Variants in PDZRN3 observed in about 807,000 individuals in gnomAD.
PDZRN3 encodes the protein E3 ubiquitin-protein ligase PDZRN3.
In PDZRN3, 38 loss-of-function variants were observed where a neutral mutation model predicts 85.7. That is an observed-to-expected ratio of 0.44 (90% CI 0.34 to 0.58). PDZRN3 has a LOEUF of 0.58. PDZRN3 is among the 20% of genes least tolerant of loss of function. The pLI is 0.01. For missense variants in PDZRN3, 1,629 were observed against 1,506.4 expected, an observed-to-expected ratio of 1.08 and a Z score of -1.35; for synonymous variants, 759 against 638.0, an observed-to-expected ratio of 1.19 and a Z score of -2.86.
intron 3 of PDZRN3, among the ~76,000 whole-genome samples, chr3:73,412,300 C>G (rs1211784284): frequency 1.3e-5 from 2 of 152,090 alleles, no homozygotes; most frequent in Non-Finnish European, 1.5e-5. Flanking sequence ...TCATAAATAC[C>G]TTGAATAAAC....
intron 3 of PDZRN3, among the ~76,000 whole-genome samples, chr3:73,414,478 G>A (rs891495367): frequency 3.9e-5 from 6 of 152,086 alleles, no homozygotes; most frequent in African/African-American, 1.4e-4. Context: ...AAATTATGAT[G>A]TGTATCACTT....
At chr3:73,586,851 G>A (rs1335969507) in intron 3 of PDZRN3, among the ~76,000 whole-genome samples, 2 of 152,232 alleles carry the variant, frequency 1.3e-5, no homozygotes, top group Non-Finnish European at 2.9e-5. Context: ...TTTGTGGTAA[G>A]TCTATGATGA....
intron 3 of PDZRN3, among the ~76,000 whole-genome samples, chr3:73,421,883 G>A (rs1046388516): frequency 6.6e-6 from 1 of 152,096 alleles, no homozygotes; most frequent in African/African-American, 2.4e-5. Context: ...CCCTGACCTC[G>A]TGATCTCCCC....
intron 3 of PDZRN3, among the ~76,000 whole-genome samples, chr3:73,438,154 A>G (rs1309346472): frequency 6.6e-6 from 1 of 152,156 alleles, no homozygotes; most frequent in African/African-American, 2.4e-5. Flanking sequence ...CTTCATGGAA[A>G]TTAAAAATAA....
intron 3 of PDZRN3, among the ~76,000 whole-genome samples, chr3:73,531,029 T>C (rs1704641233): frequency 6.6e-6 from 1 of 152,088 alleles, no homozygotes; most frequent in African/African-American, 2.4e-5. Flanking sequence ...GGTGGGCGGA[T>C]CCTGAGGTCA....
At chr3:73,441,165 A>G (rs1488472592) in intron 3 of PDZRN3, among the ~76,000 whole-genome samples, 1 of 152,200 alleles carries the variant, frequency 6.6e-6, no homozygotes, top group Non-Finnish European at 1.5e-5. Context: ...CTGTAATCCC[A>G]GCACTTTGGG....
intron 3 of PDZRN3, among the ~76,000 whole-genome samples, chr3:73,572,009 A>C (rs1432205959): frequency 6.6e-6 from 1 of 152,174 alleles, no homozygotes. Flanking sequence ...TTAGAAATCT[A>C]ATCAGGTTTG....
In PDZRN3 at chr3:73,538,058, G is replaced by A. The variant is rs190413341; in HGVS notation, c.918+64296C>T. 1.8e-3 allele frequency among the ~76,000 whole-genome samples: 270 copies of A among 152,262 alleles called. 2 individuals are homozygous for A. Among genetic ancestry groups the A allele is most frequent in the Non-Finnish European group, 2.3e-3 (159 of 68,016 alleles). On this transcript the variant is annotated intron_variant, in intron 3 of 9. Coordinates refer to ENST00000263666, the MANE Select transcript of PDZRN3 (RefSeq NM_015009.3). ...CTCTTTATGCTTTGTCACATCTTGA[G>A]TGAGCATGATCATAGACTCCATGGA...
chr3:73,389,711 GTTCT>G (rs1701479688), intron 7 of PDZRN3, 101 bp downstream of exon 7: 1 of 832,580 alleles, frequency 1.2e-6, no homozygotes, highest in Admixed American at 1.9e-5. Flanking sequence ...TGTGATCCCT[GTTCT>G]TTAACCGCTT....
chr3:73,582,556 C>T (rs1465630013), intron 3 of PDZRN3, among the ~76,000 whole-genome samples: 2 of 151,914 alleles, frequency 1.3e-5, no homozygotes, highest in African/African-American at 2.4e-5. Flanking sequence ...ATTGTTTATA[C>T]ACACACACAG....
chr3:73,422,889 A>G (rs1033521838), intron 3 of PDZRN3, among the ~76,000 whole-genome samples: 1 of 152,226 alleles, frequency 6.6e-6, no homozygotes, highest in Non-Finnish European at 1.5e-5. Context: ...TTGGATTTAG[A>G]AAGTCGCCAG....
At chr3:73,451,747 G>A (rs925788496) in intron 3 of PDZRN3, among the ~76,000 whole-genome samples, 1 of 152,122 alleles carries the variant, frequency 6.6e-6, no homozygotes, top group Admixed American at 6.6e-5. Flanking sequence ...CTACCAGCTT[G>A]CTGATGCCAA....
chr3:73,417,643 A>G (rs1702119230), intron 3 of PDZRN3, among the ~76,000 whole-genome samples: 2 of 152,330 alleles, frequency 1.3e-5, no homozygotes, highest in African/African-American at 4.8e-5. Flanking sequence ...TAAGAGAAAA[A>G]GAAACCCTCC....
chr3:73,547,433 T>C (rs143131224), intron 3 of PDZRN3, among the ~76,000 whole-genome samples: 1 of 152,334 alleles, frequency 6.6e-6, no homozygotes, highest in East Asian at 1.9e-4. Context: ...AAGTCCCTGA[T>C]GCATAGGCAG....
In PDZRN3 at chr3:73,569,111, T is replaced by C. The variant is rs751913431; in HGVS notation, c.918+33243A>G. 48 of 1,205,478 alleles carry C rather than the reference T, an allele frequency of 4.0e-5. 1 individual carries two copies. In the South Asian group the frequency reaches 5.7e-4, roughly 14 times the overall value. The allele number at this position is 1,205,478 out of a possible 1,614,324, so 74.7% of individuals were successfully genotyped here. On this transcript the variant is annotated intron_variant, in intron 3 of 9. Transcript: ENST00000263666. ...AGCTGAACTTTGAACCCAGCTCACC[T>C]ATTCTAAATCACACACCCCTTTTCA...
Position 73,388,060 on chromosome 3 carries a change from TC to T in PDZRN3, c.1425del (p.Ile476Ter). The T allele has an allele frequency of 1.2e-6, 1 of 829,026 alleles. No individual in the cohort carries two copies. Among genetic ancestry groups the T allele is most frequent in the Non-Finnish European group, 1.8e-6 (1 of 559,464 alleles). The allele number at this position is 829,026 out of a possible 1,614,324, so 51.4% of individuals were successfully genotyped here. ...GCCTCTTCACGGTTCTGCACCTCTA[TC>T]CCATTAATCTTTTAAAAAAAAAGGG... ...REGDRIIQINGIEVQNREEAV... is the reference protein window; with the variant it reads ...REGDRIIQINXIEVQNREEAV... On this transcript the variant is annotated frameshift_variant, in exon 8 of 10. Coordinates refer to ENST00000263666, the MANE Select transcript of PDZRN3 (RefSeq NM_015009.3). LOFTEE classifies it high-confidence loss of function.
chr3:73,495,967 T>A (rs766122386), intron 3 of PDZRN3, among the ~76,000 whole-genome samples: 6 of 149,774 alleles, frequency 4.0e-5, no homozygotes, highest in Non-Finnish European at 7.4e-5. Flanking sequence ...CCTATCCCCA[T>A]CCCCCCTGCC....
chr3:73,485,600 T>C (rs1416973461), intron 3 of PDZRN3, among the ~76,000 whole-genome samples: 1 of 152,188 alleles, frequency 6.6e-6, no homozygotes, highest in Non-Finnish European at 1.5e-5. Context: ...GGTGAGAGTA[T>C]TTTAATCTTC....
chr3:73,581,012 T>C (rs1202061810), intron 3 of PDZRN3, among the ~76,000 whole-genome samples: 1 of 152,248 alleles, frequency 6.6e-6, no homozygotes, highest in African/African-American at 2.4e-5. Flanking sequence ...TTTATTTCAG[T>C]AAAATGTCCC....
Sources: gnomAD v4.1 joint callset for allele counts (sites outside exome capture counted in the v4.1 genomes callset) on GRCh38, gnomAD v4.1.1 for gene constraint, MANE v1.5 for transcripts, NCBI Gene and HGNC (gene_info 2026-07-23, HGNC 2026-07-21) for gene names.